Variants in SEM1 observed in about 807,000 individuals in gnomAD.
SEM1 encodes the protein 26S proteasome complex subunit SEM1.
Under a neutral mutation model 12.7 loss-of-function variants are expected in SEM1, and 3 were observed. The observed-to-expected ratio is 0.24, with a 90% CI of 0.11 to 0.61. The LOEUF is 0.61. Ranked by LOEUF, SEM1 falls within the 20% of genes least tolerant of loss-of-function variation. The probability of loss-of-function intolerance (pLI) is 0.88; values close to 1 mark genes in which losing one functional copy is unlikely to be tolerated. For missense variants in SEM1, 59 were observed against 81.3 expected (o/e 0.73, Z 1.06); for synonymous variants, 30 against 27.8 (o/e 1.08, Z -0.25).
chr7:96,661,301 C>T (rs1016429734), intron 2 of SEM1, among the ~76,000 whole-genome samples: 1 of 152,148 alleles, frequency 6.6e-6, no homozygotes, highest in Non-Finnish European at 1.5e-5. Context: ...TAAGAGATGG[C>T]TATATCATAT....
intron 2 of SEM1, among the ~76,000 whole-genome samples, chr7:96,510,990 C>T (rs910229678): frequency 6.6e-6 from 1 of 152,192 alleles, no homozygotes; most frequent in African/African-American, 2.4e-5. Context: ...GAGGGCCTGG[C>T]TACCCCTGCA....
exon 3 of SEM1, chr7:96,673,643 T>C: frequency 3.0e-6 from 2 of 664,546 alleles, no homozygotes; most frequent in Non-Finnish European, 2.8e-6. Flanking sequence ...CACTCCCTCC[T>C]TACTGACTCC....
chr7:96,554,724 G>A (rs1386340628), intron 2 of SEM1, among the ~76,000 whole-genome samples: 1 of 150,620 alleles, frequency 6.6e-6, no homozygotes, highest in Admixed American at 6.6e-5. Flanking sequence ...ATGAGTTAGG[G>A]AGGATTCCCT....
intron 2 of SEM1, among the ~76,000 whole-genome samples, chr7:96,536,785 A>ATTT (rs1214748138): frequency 1.3e-5 from 2 of 151,402 alleles, no homozygotes; most frequent in African/African-American, 4.9e-5. Flanking sequence ...CCATCTCTAT[A>ATTT]TTTTTAACCT....
chr7:96,647,330 A>G (rs896524614), intron 2 of SEM1: 35 of 152,234 alleles, frequency 2.3e-4, no homozygotes, highest in Non-Finnish European at 2.2e-4. Flanking sequence ...AGTGCTTGGA[A>G]TATATAAGCA....
chr7:96,575,625 C>T (rs1297792233), intron 2 of SEM1, among the ~76,000 whole-genome samples: 1 of 152,188 alleles, frequency 6.6e-6, no homozygotes, highest in South Asian at 2.1e-4. Context: ...TCTATAAGCC[C>T]CTGACTGGGG....
chr7:96,588,901 G>A (rs78717326), intron 2 of SEM1, among the ~76,000 whole-genome samples: 6,318 of 152,216 alleles, frequency 0.042, 333 homozygotes, highest in Admixed American at 0.14. Flanking sequence ...GCAGCACATG[G>A]GTATATGTAA....
At chr7:96,660,608 G>A (rs1027025780) in intron 2 of SEM1, among the ~76,000 whole-genome samples, 1 of 151,924 alleles carries the variant, frequency 6.6e-6, no homozygotes, top group African/African-American at 2.4e-5. Flanking sequence ...TTTTAAAATT[G>A]TCTAGAGATT....
chr7:96,517,231 G>A (rs556955739), intron 2 of SEM1, among the ~76,000 whole-genome samples: 1 of 152,250 alleles, frequency 6.6e-6, no homozygotes, highest in East Asian at 1.9e-4. Flanking sequence ...GACTTTGAGT[G>A]ATAAAGTGTC....
intron 2 of SEM1, among the ~76,000 whole-genome samples, chr7:96,576,565 T>C (rs1301331830): frequency 6.6e-6 from 1 of 152,180 alleles, no homozygotes; most frequent in Non-Finnish European, 1.5e-5. Context: ...ACCTTTATAA[T>C]TTCACATATG....
chr7:96,571,166 A>G (rs548154500), intron 2 of SEM1, among the ~76,000 whole-genome samples: 4 of 152,104 alleles, frequency 2.6e-5, no homozygotes, highest in Admixed American at 2.6e-4. Context: ...CCTTTTCACT[A>G]TGATGATAGT....
At chr7:96,515,502 T>A (rs1317492416) in intron 2 of SEM1, among the ~76,000 whole-genome samples, 1 of 152,122 alleles carries the variant, frequency 6.6e-6, no homozygotes, top group African/African-American at 2.4e-5. Context: ...GAAATACCAT[T>A]TGACCCAGCA....
At chr7:96,617,196 A>T (rs1368427548) in intron 2 of SEM1, among the ~76,000 whole-genome samples, 1 of 151,942 alleles carries the variant, frequency 6.6e-6, no homozygotes, top group East Asian at 1.9e-4. Context: ...TGTTTTTTTC[A>T]TTTGTTTATG....
At chr7:96,672,582 GAAC>G (rs902381305), downstream of SEM1, 3 of 152,134 alleles carry the variant, frequency 2.0e-5, no homozygotes, top group Admixed American at 6.6e-5. Context: ...TAGTATGAAA[GAAC>G]AACAATAACA....
At chr7:96,516,808 T>C (rs1264081264) in intron 2 of SEM1, among the ~76,000 whole-genome samples, 1 of 152,122 alleles carries the variant, frequency 6.6e-6, no homozygotes, top group Non-Finnish European at 1.5e-5. Context: ...ATTGCCCAAA[T>C]TTGGAAGGAA....
exon 4 of SEM1, chr7:96,483,713 C>T (rs1045931173): frequency 3.0e-6 from 3 of 1,014,156 alleles, no homozygotes; most frequent in Non-Finnish European, 4.4e-6. Context: ...GTCATGTGAC[C>T]CACCCAGCCA....
intron 1 of SEM1, among the ~76,000 whole-genome samples, chr7:96,700,961 T>C (rs553453798): frequency 3.9e-5 from 6 of 152,258 alleles, no homozygotes; most frequent in African/African-American, 1.4e-4. Context: ...TTAATGGCAA[T>C]TTTTTTAAAT....
At chr7:96,659,886 T>A (rs1584842473) in intron 2 of SEM1, among the ~76,000 whole-genome samples, 2 of 59,198 alleles carry the variant, frequency 3.4e-5, no homozygotes, top group Admixed American at 1.8e-4. Flanking sequence ...GAAATGTGAA[T>A]CAAATAGAAG....
intron 2 of SEM1, among the ~76,000 whole-genome samples, chr7:96,557,178 T>TC (rs2115887063): frequency 1.3e-5 from 2 of 151,570 alleles, no homozygotes; most frequent in South Asian, 4.2e-4. Flanking sequence ...TCTGAAGCCT[T>TC]CTTCTCTCAG....
Sources: gnomAD v4.1 joint callset for allele counts (sites outside exome capture counted in the v4.1 genomes callset) on GRCh38, gnomAD v4.1.1 for gene constraint, MANE v1.5 for transcripts, NCBI Gene and HGNC (gene_info 2026-07-23, HGNC 2026-07-21) for gene names.